KCNH1: variants seen among roughly 807,000 people sequenced by gnomAD.
The protein encoded by KCNH1 is potassium voltage-gated channel subfamily H member 1.
KCNH1 carries 27 observed loss-of-function variants against 69.2 expected under a neutral mutation model. The observed-to-expected ratio is 0.39, with a 90% CI of 0.29 to 0.54. The LOEUF (loss-of-function observed/expected upper bound fraction) is 0.54, where lower values mean the gene tolerates loss of function less well. Among genes scored for constraint, KCNH1 ranks in the 20% least tolerant of loss-of-function variants. KCNH1 has a pLI of 0.68. For synonymous variants in KCNH1, 456 were observed against 487.7 expected, an observed-to-expected ratio of 0.93 and a Z score of 0.86; for missense variants, 798 against 1,261.6, an observed-to-expected ratio of 0.63 and a Z score of 5.57.
rs71134652 is a variant in KCNH1 at position 211,045,041 on chromosome 1, GATAT to G, written c.559-25789_559-25786del. ...ATCAATGTGTGGATAAATTGTGGGGGATATATATATATATATATGAATAATAGAA... is the reference window on the plus strand; with the variant it reads ...ATCAATGTGTGGATAAATTGTGGGGGATATATATATATATGAATAATAGAA... On this transcript the variant is annotated intron_variant, in intron 5 of 10. Transcript: ENST00000271751. Among the ~76,000 whole-genome samples, 12 of 81,716 alleles carry G rather than the reference GATAT, an allele frequency of 1.5e-4. 1 individual carries two copies. Among genetic ancestry groups the G allele is most frequent in the East Asian group, 3.1e-4 (1 of 3,220 alleles). 53.6% of individuals were successfully genotyped at this position (81,716 alleles called of 152,430 possible).
intron 5 of KCNH1, among the ~76,000 whole-genome samples, chr1:211,082,205 T>C (rs1690870829): frequency 6.6e-6 from 1 of 152,186 alleles, no homozygotes; most frequent in East Asian, 1.9e-4. Flanking sequence ...TTCATGATTA[T>C]ATAAAGTGAA....
intron 7 of KCNH1, among the ~76,000 whole-genome samples, chr1:210,903,370 CT>C (rs1016487512): frequency 4.7e-4 from 72 of 152,276 alleles, no homozygotes; most frequent in African/African-American, 1.7e-3. Context: ...ATAAAATATA[CT>C]TGTCAAAGAC....
At chr1:210,724,989 G>A (rs953325391) in intron 10 of KCNH1, among the ~76,000 whole-genome samples, 3 of 152,170 alleles carry the variant, frequency 2.0e-5, no homozygotes, top group African/African-American at 7.2e-5. Context: ...TAAAATGCCT[G>A]TTTTCCTGAG....
At chr1:210,899,181 G>A (rs979591645) in intron 7 of KCNH1, among the ~76,000 whole-genome samples, 4 of 152,086 alleles carry the variant, frequency 2.6e-5, no homozygotes, top group Admixed American at 2.0e-4. Context: ...AGACATTACT[G>A]TCCTTTTTGA....
chr1:211,032,498 C>T (rs1339334670), intron 5 of KCNH1, among the ~76,000 whole-genome samples: 4 of 152,138 alleles, frequency 2.6e-5, no homozygotes, highest in Admixed American at 6.5e-5. Flanking sequence ...ATCACGCTAC[C>T]TGACTTCAAA....
chr1:211,076,055 G>C (rs1571627217), intron 5 of KCNH1, among the ~76,000 whole-genome samples: 1 of 152,228 alleles, frequency 6.6e-6, no homozygotes, highest in Non-Finnish European at 1.5e-5. Context: ...ACTGAGGCTT[G>C]AGTAGATAAG....
At chr1:210,959,643 C>G (rs1688255794) in intron 6 of KCNH1, among the ~76,000 whole-genome samples, 2 of 152,226 alleles carry the variant, frequency 1.3e-5, no homozygotes, top group South Asian at 4.1e-4. Flanking sequence ...CAGGCTGCAG[C>G]CTCACAGGTC....
In KCNH1 at chr1:210,775,367, G is replaced by C; in HGVS notation, c.2093C>G (p.Thr698Arg). The C allele has an allele frequency of 6.2e-7, 1 of 1,614,004 alleles. No homozygotes were observed. The highest frequency in any genetic ancestry group is 8.5e-7 in the Non-Finnish European group (1 of 1,179,960). ...GCTCACCCTCTTCCTCAAGTTGTAC[G>C]TCAGAATCAGGTTCCGGGAGAAGGA... ...SHSFSRNLIL[T>R]YNLRKRIVFR... is the part of the protein sequence containing the mutation. The change falls in exon 10 of 11, where the codon ACG becomes AGG. Residue 698 changes from threonine (T) to arginine (R), a missense_variant. This residue lies in a region of KCNH1 where 197 missense variants were observed against 407.7 expected (regional missense o/e 0.48). Coordinates refer to ENST00000271751, the MANE Select transcript of KCNH1 (RefSeq NM_172362.3).
chr1:211,046,878 T>G (rs1197777332), intron 5 of KCNH1, among the ~76,000 whole-genome samples: 1 of 152,030 alleles, frequency 6.6e-6, no homozygotes, highest in African/African-American at 2.4e-5. Flanking sequence ...CCACATCTAA[T>G]TCAAAAACCC....
chr1:210,775,629 G>T (rs2102372273), intron 9 of KCNH1, 85 bp from the exon 10 acceptor site: 2 of 1,005,168 alleles, frequency 2.0e-6, no homozygotes, highest in East Asian at 2.4e-5. Context: ...CCCCAGAATT[G>T]CTGTCCTTTC....
chr1:211,032,782 A>T (rs1441507744), intron 5 of KCNH1, among the ~76,000 whole-genome samples: 1 of 152,244 alleles, frequency 6.6e-6, no homozygotes, highest in African/African-American at 2.4e-5. Context: ...TAAAGACTTA[A>T]ATATTAGACC....
In KCNH1 at chr1:210,917,229, G is replaced by GAGAGAAAGAAAGAAAGAAAGAA. The variant is rs1430374011; in HGVS notation, c.1462+2410_1462+2411insTTCTTTCTTTCTTTCTTTCTCT. On this transcript the variant is annotated intron_variant, in intron 7 of 10. Transcript: ENST00000271751. ...GGACAGAGAGAGAGAGAGAGAGAGA[G>GAGAGAAAGAAAGAAAGAAAGAA]AGAAAGAAAGAAAGAAAGAAAGAAA... Among the ~76,000 whole-genome samples the GAGAGAAAGAAAGAAAGAAAGAA allele has an allele frequency of 2.3e-4, 18 of 78,868 alleles. No homozygotes were observed. In the East Asian group the frequency reaches 2.4e-3, roughly 10 times the overall value. 51.7% of individuals were successfully genotyped at this position (78,868 alleles called of 152,430 possible). A position where few individuals can be genotyped will look rare whatever the true frequency, so the allele number is the denominator to read the frequency against.
intron 6 of KCNH1, among the ~76,000 whole-genome samples, chr1:211,002,257 TACAC>T (rs112723750): frequency 9.1e-4 from 134 of 146,726 alleles, no homozygotes; most frequent in African/African-American, 3.1e-3. Flanking sequence ...CGTATATATA[TACAC>T]ACACACACAT....
intron 7 of KCNH1, among the ~76,000 whole-genome samples, chr1:210,872,981 C>T (rs997997256): frequency 6.6e-6 from 1 of 152,210 alleles, no homozygotes; most frequent in Non-Finnish European, 1.5e-5. Context: ...TACCAATCAC[C>T]TGTGAGCCAC....
At chr1:211,046,281 T>C (rs1358116703) in intron 5 of KCNH1, among the ~76,000 whole-genome samples, 1 of 152,212 alleles carries the variant, frequency 6.6e-6, no homozygotes, top group African/African-American at 2.4e-5. Flanking sequence ...ACTATTATAA[T>C]CATGATATAG....
chr1:210,985,856 T>C (rs1161292151), intron 6 of KCNH1, among the ~76,000 whole-genome samples: 4 of 152,194 alleles, frequency 2.6e-5, no homozygotes, highest in Non-Finnish European at 5.9e-5. Flanking sequence ...TTCTGTCTCA[T>C]TGATCTGTCT....
At chr1:210,720,249 A>C (rs1682419421) in intron 10 of KCNH1, among the ~76,000 whole-genome samples, 1 of 152,180 alleles carries the variant, frequency 6.6e-6, no homozygotes, top group African/African-American at 2.4e-5. Context: ...AAGAGAAAAC[A>C]GGTGTGTAGA....
intron 7 of KCNH1, among the ~76,000 whole-genome samples, chr1:210,902,040 C>T (rs1687007156): frequency 6.6e-6 from 1 of 152,104 alleles, no homozygotes; most frequent in Non-Finnish European, 1.5e-5. Flanking sequence ...ATGTGGGCAG[C>T]TCAGAAGAGT....
At chr1:210,834,193 C>A (rs1234584267) in intron 7 of KCNH1, among the ~76,000 whole-genome samples, 1 of 151,448 alleles carries the variant, frequency 6.6e-6, no homozygotes, top group Admixed American at 6.6e-5. Context: ...GGGTATATAC[C>A]CAAAGGACTA....
Sources: gnomAD v4.1 joint callset for allele counts (sites outside exome capture counted in the v4.1 genomes callset) on GRCh38, gnomAD v4.1.1 for gene constraint, gnomAD v4.1.1 regional missense constraint, MANE v1.5 for transcripts, NCBI Gene and HGNC (gene_info 2026-07-23, HGNC 2026-07-21) for gene names.